Variants in KIAA1328 observed in about 807,000 individuals in gnomAD.
KIAA1328 encodes KIAA1328.
KIAA1328 carries 52 observed loss-of-function variants against 68.1 expected under a neutral mutation model. The observed-to-expected ratio is 0.76, with a 90% CI of 0.61 to 0.96. The LOEUF (loss-of-function observed/expected upper bound fraction) is 0.96. KIAA1328 is among the 40% of genes least tolerant of loss of function. KIAA1328 has a pLI of 0.00. For missense variants in KIAA1328, 641 were observed against 677.6 expected, an observed-to-expected ratio of 0.95 and a Z score of 0.60; for synonymous variants, 232 against 239.4, an observed-to-expected ratio of 0.97 and a Z score of 0.28.
chr18:36,947,610 A>G (rs2050954529), intron 5 of KIAA1328, among the ~76,000 whole-genome samples: 1 of 152,138 alleles, frequency 6.6e-6, no homozygotes, highest in Admixed American at 6.5e-5. Context: ...GCAGGTTTTT[A>G]TTATGCCTCA....
chr18:37,103,409 C>A (rs558249918), intron 7 of KIAA1328, among the ~76,000 whole-genome samples: 1 of 152,210 alleles, frequency 6.6e-6, no homozygotes, highest in African/African-American at 2.4e-5. Context: ...TGGGGAAAGA[C>A]AGTCTTTTCA....
chr18:37,016,058 G>A (rs1168196972), intron 6 of KIAA1328, among the ~76,000 whole-genome samples: 4 of 152,138 alleles, frequency 2.6e-5, no homozygotes, highest in East Asian at 1.9e-4. Context: ...GTAAGAGTGA[G>A]TATCCTTGTT....
intron 5 of KIAA1328, chr18:36,901,973 C>A (rs892249016): frequency 1.3e-5 from 2 of 151,754 alleles, no homozygotes; most frequent in African/African-American, 4.8e-5. Flanking sequence ...TATTTTTATT[C>A]CAGATTTTTC....
At chr18:36,962,561 G>A (rs192399220) in intron 6 of KIAA1328, among the ~76,000 whole-genome samples, 2,030 of 152,108 alleles carry the variant, frequency 0.013, 47 homozygotes, top group Admixed American at 0.064. Flanking sequence ...AATTGACTAC[G>A]TAATTGGAAG....
At chr18:36,996,901 G>A (rs182609768) in intron 6 of KIAA1328, among the ~76,000 whole-genome samples, 32 of 152,260 alleles carry the variant, frequency 2.1e-4, no homozygotes, top group African/African-American at 7.2e-4. Context: ...AGAAGTAAAC[G>A]TTTAGATCTG....
At chr18:36,999,230 A>C (rs1443799405) in intron 6 of KIAA1328, among the ~76,000 whole-genome samples, 1 of 152,194 alleles carries the variant, frequency 6.6e-6, no homozygotes, top group African/African-American at 2.4e-5. Flanking sequence ...AGTCAGATAA[A>C]AATAAAAGAG....
At chr18:36,892,308 C>A (rs1244160123) in intron 5 of KIAA1328, among the ~76,000 whole-genome samples, 2 of 151,844 alleles carry the variant, frequency 1.3e-5, no homozygotes, top group African/African-American at 2.4e-5. Context: ...GGCAGATGTT[C>A]TAGTCTTTGA....
At chr18:36,829,410 G>A (rs1369822097) in intron 1 of KIAA1328, 3 of 1,341,034 alleles carry the variant, frequency 2.2e-6, no homozygotes, top group East Asian at 6.3e-5. Context: ...GTGGGGACAC[G>A]GCTCAGATGC....
chr18:36,837,981 A>G (rs185502926), intron 3 of KIAA1328, among the ~76,000 whole-genome samples: 13 of 152,162 alleles, frequency 8.5e-5, no homozygotes, highest in Admixed American at 7.2e-4. Context: ...AAGTCCTCCA[A>G]CTTCTTCTTT....
chr18:36,933,617 G>T (rs954461989), intron 5 of KIAA1328, among the ~76,000 whole-genome samples: 4 of 152,246 alleles, frequency 2.6e-5, no homozygotes, highest in Non-Finnish European at 4.4e-5. Flanking sequence ...CAGCCCTGGG[G>T]TGCCAGGACC....
chr18:36,938,885 G>A (rs1212036007), intron 5 of KIAA1328, among the ~76,000 whole-genome samples: 1 of 152,154 alleles, frequency 6.6e-6, no homozygotes, highest in Non-Finnish European at 1.5e-5. Flanking sequence ...CTGAAAATCA[G>A]TTGACCATAA....
At chr18:36,856,813 A>G (rs2047398403) in intron 4 of KIAA1328, among the ~76,000 whole-genome samples, 1 of 152,154 alleles carries the variant, frequency 6.6e-6, no homozygotes, top group Non-Finnish European at 1.5e-5. Context: ...GATTTCCTTC[A>G]GCTTCCCAGA....
At chr18:36,960,003 T>C (rs1394473667) in intron 6 of KIAA1328, among the ~76,000 whole-genome samples, 3 of 152,200 alleles carry the variant, frequency 2.0e-5, no homozygotes, top group Non-Finnish European at 2.9e-5. Context: ...AGATGTGATG[T>C]GAAATAAGCC....
intron 7 of KIAA1328, among the ~76,000 whole-genome samples, chr18:37,129,443 A>G (rs2058470241): frequency 6.6e-6 from 1 of 152,234 alleles, no homozygotes; most frequent in Admixed American, 6.5e-5. Flanking sequence ...CAAAAAGTCA[A>G]TAGTTATTTT....
At chr18:36,999,105 G>T (rs1222340699) in intron 6 of KIAA1328, among the ~76,000 whole-genome samples, 1 of 152,100 alleles carries the variant, frequency 6.6e-6, no homozygotes, top group Non-Finnish European at 1.5e-5. Context: ...AGAAATTCTG[G>T]AACTAAAGAA....
chr18:36,945,807 G>A (rs1202187238), intron 5 of KIAA1328, among the ~76,000 whole-genome samples: 1 of 152,138 alleles, frequency 6.6e-6, no homozygotes, highest in Non-Finnish European at 1.5e-5. Context: ...GAGAGGGTGT[G>A]GTTGTTTCCT....
chr18:36,878,278 T>C (rs1400230889), intron 4 of KIAA1328, among the ~76,000 whole-genome samples: 1 of 152,208 alleles, frequency 6.6e-6, no homozygotes, highest in African/African-American at 2.4e-5. Flanking sequence ...CTCCTTTGCG[T>C]ATGAAGCTTA....
intron 7 of KIAA1328, among the ~76,000 whole-genome samples, chr18:37,092,138 TGCCCACCCA>T (rs1277483021): frequency 6.6e-6 from 1 of 152,058 alleles, no homozygotes; most frequent in African/African-American, 2.4e-5. Flanking sequence ...TCTGAGGACA[TGCCCACCCA>T]GCCCACTGCT....
At chr18:37,036,375 G>A (rs947842400) in intron 6 of KIAA1328, among the ~76,000 whole-genome samples, 4 of 152,138 alleles carry the variant, frequency 2.6e-5, no homozygotes, top group African/African-American at 9.7e-5. Flanking sequence ...TCTATCATTA[G>A]GACTTAGCTA....
Sources: allele counts gnomAD v4.1 joint callset (sites outside exome capture counted in the v4.1 genomes callset), GRCh38; gene constraint gnomAD v4.1.1; transcripts MANE v1.5; gene names NCBI Gene and HGNC (gene_info 2026-07-23, HGNC 2026-07-21).